The following RGS5 variants were observed in gnomAD, a reference collection of about 807,000 sequenced individuals.
The protein encoded by RGS5 is regulator of G protein signaling 5.
Under a neutral mutation model 18.9 loss-of-function variants are expected in RGS5, and 20 were observed. The ratio of observed to expected loss-of-function variants is 1.06; its 90% CI spans 0.74 to 1.54. RGS5 has a LOEUF of 1.54. RGS5 is among the 40% of genes most tolerant of loss of function. The pLI, the probability that RGS5 is intolerant of heterozygous loss-of-function variation, is 0.00. For missense variants in RGS5, 201 were observed against 211.8 expected (o/e 0.95, Z 0.32); for synonymous variants, 57 against 76.2 (o/e 0.75, Z 1.31).
chr1:163,296,768 G>A (rs1044413392), intron 2 of RGS5, among the ~76,000 whole-genome samples: 22 of 152,264 alleles, frequency 1.4e-4, no homozygotes, highest in African/African-American at 5.1e-4. Flanking sequence ...ACAGGAATAT[G>A]GCAGTGCTCA....
At chr1:163,158,022 T>C (rs1657657829) in intron 3 of RGS5, among the ~76,000 whole-genome samples, 1 of 152,200 alleles carries the variant, frequency 6.6e-6, no homozygotes, top group Non-Finnish European at 1.5e-5. Flanking sequence ...AATGTATCTT[T>C]CTTCATTACC....
chr1:163,201,345 C>T (rs1659764828), intron 1 of RGS5, among the ~76,000 whole-genome samples: 1 of 152,050 alleles, frequency 6.6e-6, no homozygotes, highest in Non-Finnish European at 1.5e-5. Flanking sequence ...GAGGAAAGAA[C>T]AGGCTAATAG....
chr1:163,263,894 C>G (rs551470978), intron 2 of RGS5, among the ~76,000 whole-genome samples: 1 of 150,728 alleles, frequency 6.6e-6, no homozygotes, highest in African/African-American at 2.4e-5. Flanking sequence ...ATCCTGTCAC[C>G]TGACATTTTT....
At chr1:163,246,143 C>A (rs1647927684) in intron 2 of RGS5, among the ~76,000 whole-genome samples, 1 of 151,492 alleles carries the variant, frequency 6.6e-6, no homozygotes, top group African/African-American at 2.4e-5. Context: ...CGTAAGTAAA[C>A]CCAGGAGGCG....
intron 4 of RGS5, 150 bp downstream of exon 4, chr1:163,152,400 G>T: frequency 1.3e-6 from 1 of 743,166 alleles, no homozygotes; most frequent in Non-Finnish European, 2.2e-6. Flanking sequence ...ATGTTGCTCT[G>T]CCTTTGTACT....
upstream of RGS5, among the ~76,000 whole-genome samples, chr1:163,204,131 A>G (rs1659876389): frequency 6.6e-6 from 1 of 152,156 alleles, no homozygotes; most frequent in Admixed American, 6.5e-5. Context: ...TTATGACCTG[A>G]TGTTTTTAAT....
intron 2 of RGS5, among the ~76,000 whole-genome samples, chr1:163,227,152 T>C (rs1647357051): frequency 6.6e-6 from 1 of 152,240 alleles, no homozygotes; most frequent in African/African-American, 2.4e-5. Flanking sequence ...AGGGAAGAGC[T>C]AAGTCACAGT....
chr1:163,258,471 A>C (rs1018980994), intron 2 of RGS5, among the ~76,000 whole-genome samples: 2 of 152,172 alleles, frequency 1.3e-5, no homozygotes, highest in Non-Finnish European at 2.9e-5. Flanking sequence ...GGAAACATTT[A>C]TATGTGATTT....
chr1:163,291,501 G>A (rs1034713424), intron 2 of RGS5, among the ~76,000 whole-genome samples: 70 of 152,190 alleles, frequency 4.6e-4, no homozygotes, highest in African/African-American at 1.7e-3. Context: ...AGATATAAAT[G>A]ACAGCCGGCC....
At chr1:163,299,811 A>C (rs1353303669) in intron 2 of RGS5, among the ~76,000 whole-genome samples, 1 of 152,208 alleles carries the variant, frequency 6.6e-6, no homozygotes, top group Non-Finnish European at 1.5e-5. Context: ...AGTAGATATT[A>C]TTCTTTCCTG....
intron 2 of RGS5, among the ~76,000 whole-genome samples, chr1:163,250,166 G>T (rs558923238): frequency 2.6e-4 from 39 of 152,298 alleles, no homozygotes; most frequent in African/African-American, 9.4e-4. Flanking sequence ...CATGGCCTAG[G>T]CTATGTTGGT....
chr1:163,225,871 T>C (rs2101681033), intron 2 of RGS5, among the ~76,000 whole-genome samples: 1 of 152,188 alleles, frequency 6.6e-6, no homozygotes, highest in East Asian at 1.9e-4. Context: ...CCTGAGACAA[T>C]ATTGATTCCA....
chr1:163,278,420 G>C (rs1341843766), intron 2 of RGS5, among the ~76,000 whole-genome samples: 1 of 152,044 alleles, frequency 6.6e-6, no homozygotes, highest in Non-Finnish European at 1.5e-5. Flanking sequence ...TCTCAGACAA[G>C]TAAAAACTGA....
chr1:163,204,342 C>CAT (rs983633853), upstream of RGS5, among the ~76,000 whole-genome samples: 8 of 147,838 alleles, frequency 5.4e-5, no homozygotes, highest in African/African-American at 1.5e-4. Flanking sequence ...CACACACACA[C>CAT]ACAGACACAC....
At chr1:163,320,464 G>GGT (rs1448110811) in intron 1 of RGS5, among the ~76,000 whole-genome samples, 5 of 152,106 alleles carry the variant, frequency 3.3e-5, no homozygotes, top group Non-Finnish European at 7.4e-5. Flanking sequence ...GGTAGTAAAT[G>GGT]GTGTGATCAG....
intron 2 of RGS5, among the ~76,000 whole-genome samples, chr1:163,292,171 C>T (rs1242171254): frequency 6.6e-6 from 1 of 152,074 alleles, no homozygotes; most frequent in South Asian, 2.1e-4. Flanking sequence ...CTCTCTTCTA[C>T]CCCCCACCCT....
intron 2 of RGS5, among the ~76,000 whole-genome samples, chr1:163,257,525 T>C (rs1648305790): frequency 6.6e-6 from 1 of 152,186 alleles, no homozygotes; most frequent in Non-Finnish European, 1.5e-5. Context: ...ATTTCCATGT[T>C]ACTACTTTTT....
chr1:163,236,098 T>C (rs1033249998), intron 2 of RGS5, among the ~76,000 whole-genome samples: 2 of 152,220 alleles, frequency 1.3e-5, no homozygotes, highest in African/African-American at 4.8e-5. Context: ...TCTTCCAATC[T>C]AGCATAATTG....
chr1:163,163,039 C>CG (rs148165074), intron 2 of RGS5, among the ~76,000 whole-genome samples: 2,668 of 131,666 alleles, frequency 0.02, 54 homozygotes, highest in African/African-American at 0.048. Context: ...AATGATATTT[C>CG]GGGGGGGGGG....
Sources: gnomAD v4.1 joint callset for allele counts (sites outside exome capture counted in the v4.1 genomes callset) on GRCh38, gnomAD v4.1.1 for gene constraint, MANE v1.5 for transcripts, NCBI Gene and HGNC (gene_info 2026-07-23, HGNC 2026-07-21) for gene names.